Variants in CLSTN2 observed in about 807,000 individuals in gnomAD.
The protein encoded by CLSTN2 is calsyntenin 2.
In CLSTN2, 48 loss-of-function variants were observed where a neutral mutation model predicts 101.2. That is an observed-to-expected ratio of 0.47 (90% confidence interval 0.38 to 0.60). CLSTN2 has a LOEUF of 0.60. CLSTN2 is among the 20% of genes least tolerant of loss of function. CLSTN2 has a pLI of 0.00. For missense variants in CLSTN2, 1,160 were observed against 1,238.2 expected (o/e 0.94, Z 0.95); for synonymous variants, 481 against 463.6 (o/e 1.04, Z -0.48).
intron 7 of CLSTN2, among the ~76,000 whole-genome samples, chr3:140,463,812 G>T (rs1226187304): frequency 6.6e-6 from 1 of 152,198 alleles, no homozygotes; most frequent in Non-Finnish European, 1.5e-5. Context: ...CCAGAAATGT[G>T]CAAGGCTAGC....
intron 2 of CLSTN2, among the ~76,000 whole-genome samples, chr3:140,356,999 C>A (rs911068153): frequency 3.9e-5 from 6 of 152,122 alleles, no homozygotes; most frequent in African/African-American, 1.4e-4. Context: ...CAGAAGAAAG[C>A]AGCCCTGGGC....
chr3:140,268,960 A>G (rs2086718304), intron 2 of CLSTN2, among the ~76,000 whole-genome samples: 1 of 152,190 alleles, frequency 6.6e-6, no homozygotes, highest in Non-Finnish European at 1.5e-5. Flanking sequence ...TCTATATAGA[A>G]GTTAAATATT....
chr3:140,355,506 A>G (rs1225409253), intron 2 of CLSTN2, among the ~76,000 whole-genome samples: 1 of 152,240 alleles, frequency 6.6e-6, no homozygotes, highest in African/African-American at 2.4e-5. Context: ...GGCTGTCAAC[A>G]ATATGGGCTT....
At chr3:140,092,142 A>C (rs539968734) in intron 1 of CLSTN2, among the ~76,000 whole-genome samples, 1 of 152,156 alleles carries the variant, frequency 6.6e-6, no homozygotes, top group Non-Finnish European at 1.5e-5. Flanking sequence ...GGCTCCTGAG[A>C]GTGCATTGTG....
chr3:140,426,941 G>A (rs754457863), intron 5 of CLSTN2, among the ~76,000 whole-genome samples: 10 of 152,008 alleles, frequency 6.6e-5, no homozygotes, highest in Non-Finnish European at 1.3e-4. Context: ...TTGGGAGGCC[G>A]AGGCGGGTGG....
intron 2 of CLSTN2, among the ~76,000 whole-genome samples, chr3:140,322,788 A>T (rs148672011): frequency 0.014 from 2,109 of 152,322 alleles, 18 homozygotes; most frequent in Non-Finnish European, 0.02. Flanking sequence ...GAACTCTGAG[A>T]TAATCAGTGA....
At chr3:140,327,138 G>T (rs909285909) in intron 2 of CLSTN2, among the ~76,000 whole-genome samples, 1 of 152,144 alleles carries the variant, frequency 6.6e-6, no homozygotes, top group Non-Finnish European at 1.5e-5. Flanking sequence ...AGAAACAGAC[G>T]CACACATGCA....
intron 2 of CLSTN2, among the ~76,000 whole-genome samples, chr3:140,347,183 A>G (rs1018663653): frequency 6.6e-6 from 1 of 152,222 alleles, no homozygotes; most frequent in Non-Finnish European, 1.5e-5. Context: ...TGAAACATGG[A>G]GTAAAATGTG....
At chr3:140,070,181 G>T (rs2008367371) in intron 1 of CLSTN2, among the ~76,000 whole-genome samples, 4 of 152,192 alleles carry the variant, frequency 2.6e-5, no homozygotes, top group Admixed American at 2.6e-4. Context: ...CAGCATCCTT[G>T]CCTTTACCTA....
chr3:140,145,074 T>C (rs1039690738), intron 1 of CLSTN2, among the ~76,000 whole-genome samples: 6 of 152,258 alleles, frequency 3.9e-5, no homozygotes, highest in Admixed American at 3.9e-4. Context: ...CCCCATACTG[T>C]GATTTCTTTT....
In CLSTN2 at chr3:140,240,174, C is replaced by CTCTCTCTATA. The variant is rs1311225528; in HGVS notation, c.232+64102_232+64103insCTCTCTATAT. 2.8e-3 allele frequency among the ~76,000 whole-genome samples: 37 copies of CTCTCTCTATA among 13,298 alleles called. 1 individual carries two copies. Among genetic ancestry groups the CTCTCTCTATA allele is most frequent in the Non-Finnish European group, 7.2e-3 (20 of 2,794 alleles). 8.7% of individuals were successfully genotyped at this position (13,298 alleles called of 152,430 possible). A position where few individuals can be genotyped will look rare whatever the true frequency, so the allele number is the denominator to read the frequency against. On this transcript the variant is annotated intron_variant, in intron 2 of 16. Transcript: ENST00000458420. ...TCTGTCTCTCTCTCTCTCTCTCTCT[C>CTCTCTCTATA]TATATATATATATATATATATATAT...
intron 2 of CLSTN2, among the ~76,000 whole-genome samples, chr3:140,250,680 A>G (rs1057086817): frequency 6.6e-6 from 1 of 152,186 alleles, no homozygotes; most frequent in Non-Finnish European, 1.5e-5. Flanking sequence ...TTCAGCTGCA[A>G]TTGGATGAGC....
At chr3:140,465,110 T>C (rs1236599193) in intron 7 of CLSTN2, among the ~76,000 whole-genome samples, 1 of 152,174 alleles carries the variant, frequency 6.6e-6, no homozygotes. Flanking sequence ...ACCAAACTGA[T>C]ATCAGATAAC....
intron 4 of CLSTN2, among the ~76,000 whole-genome samples, chr3:140,418,375 C>T (rs979164161): frequency 1.2e-4 from 18 of 151,958 alleles, no homozygotes; most frequent in African/African-American, 4.8e-5. Flanking sequence ...ACATCAAACA[C>T]GTTTTTATTG....
At chr3:140,362,236 A>G (rs1363778127) in intron 2 of CLSTN2, among the ~76,000 whole-genome samples, 1 of 152,228 alleles carries the variant, frequency 6.6e-6, no homozygotes, top group African/African-American at 2.4e-5. Flanking sequence ...TGCAACAAAT[A>G]GTGCTAGTAT....
At chr3:140,212,198 C>G (rs1272964271) in intron 2 of CLSTN2, among the ~76,000 whole-genome samples, 1 of 152,136 alleles carries the variant, frequency 6.6e-6, no homozygotes, top group African/African-American at 2.4e-5. Flanking sequence ...GTCATTTACA[C>G]TCGACTATCT....
At chr3:140,282,435 C>A (rs909082902) in intron 2 of CLSTN2, among the ~76,000 whole-genome samples, 23 of 152,136 alleles carry the variant, frequency 1.5e-4, no homozygotes, top group African/African-American at 5.1e-4. Context: ...ACAGCTGCCA[C>A]CTTTCCCTTC....
intron 1 of CLSTN2, among the ~76,000 whole-genome samples, chr3:139,978,074 G>A (rs1426042): frequency 0.32 from 49,012 of 151,952 alleles, 9,830 homozygotes; most frequent in Middle Eastern, 0.47. Context: ...CCAGAGAAAG[G>A]GCTTGTGCAG....
rs1337446520 is a variant in CLSTN2, at chr3:140,572,829, AATC to A, written c.*6578_*6580del. On this transcript the variant is annotated 3_prime_UTR_variant, in exon 17 of 17. Transcript: ENST00000458420. ...AACTGACTATTAACTAACAAGGTAAAATCAATGACTAGTGCAGTGAGGGTGCCA... is the reference window on the plus strand; with the variant it reads ...AACTGACTATTAACTAACAAGGTAAAAATGACTAGTGCAGTGAGGGTGCCA... 6.6e-6 allele frequency: 1 copy of A among 152,380 alleles called. No homozygotes were observed. Among genetic ancestry groups the A allele is most frequent in the Non-Finnish European group, 1.5e-5 (1 of 68,170 alleles). The allele number at this position is 152,380 out of a possible 1,614,324, so 9.4% of individuals were successfully genotyped here.
Sources: gnomAD v4.1 joint callset for allele counts (sites outside exome capture counted in the v4.1 genomes callset) on GRCh38, gnomAD v4.1.1 for gene constraint, MANE v1.5 for transcripts, NCBI Gene and HGNC (gene_info 2026-07-23, HGNC 2026-07-21) for gene names.